The following KIF3C variants were observed in gnomAD, a reference collection of about 807,000 sequenced individuals.
The protein encoded by KIF3C is kinesin family member 3C, also known as kinesin-like protein KIF3C.
KIF3C carries 12 observed loss-of-function variants against 67.7 expected under a neutral mutation model. The observed-to-expected ratio is 0.18, with a 90% CI of 0.11 to 0.29. The LOEUF is 0.29. KIF3C is among the 10% of genes least tolerant of loss of function. The pLI, the probability that KIF3C is intolerant of heterozygous loss-of-function variation, is 1.00. For missense variants in KIF3C, 789 were observed against 1,059.6 expected (o/e 0.74, Z 3.55); for synonymous variants, 393 against 426.2 (o/e 0.92, Z 0.96).
intron 5 of KIF3C, among the ~76,000 whole-genome samples, chr2:25,947,271 C>G (rs1040631333): frequency 6.6e-6 from 1 of 152,138 alleles, no homozygotes; most frequent in African/African-American, 2.4e-5. Flanking sequence ...TTCTAGCAAG[C>G]TTCTTTCTTT....
chr2:25,952,118 C>G (rs1407494592), intron 4 of KIF3C, among the ~76,000 whole-genome samples: 1 of 151,984 alleles, frequency 6.6e-6, no homozygotes, highest in Non-Finnish European at 1.5e-5. Context: ...AGTGAAACAC[C>G]ATTTCCGTCT....
rs1019669731 is a variant in KIF3C at position 25,926,797 on chromosome 2, G to A, written c.*2181C>T. 6.6e-6 allele frequency: 1 copy of A among 152,048 alleles called. No homozygotes were observed. The highest frequency in any genetic ancestry group is 1.5e-5 in the Non-Finnish European group (1 of 68,014). The allele number at this position is 152,048 out of a possible 1,614,324, so 9.4% of individuals were successfully genotyped here. On this transcript the variant is annotated 3_prime_UTR_variant, in exon 8 of 8. Transcript: ENST00000264712. Reference sequence around the variant, plus strand: ...TGTCCCGTATAGTCATATGTGTAGAGTGACAAGAATGGGCCACTGCATTGT... The same window carrying A: ...TGTCCCGTATAGTCATATGTGTAGAATGACAAGAATGGGCCACTGCATTGT...
At chr2:25,950,522 A>G (rs1168385470) in intron 5 of KIF3C, among the ~76,000 whole-genome samples, 1 of 152,034 alleles carries the variant, frequency 6.6e-6, no homozygotes, top group East Asian at 1.9e-4. Context: ...ACGCCCAGCT[A>G]GAAAGAACTT....
rs532052901 is a variant in KIF3C, at chr2:25,954,470, C to T, written c.1771-85G>A. On this transcript the variant is annotated intron_variant, in intron 3 of 7. Transcript: ENST00000264712. Reference sequence around the variant, plus strand: ...CCAGCCTGGGCCGCAGGGCTGCAGGCTCAGAGTCTACCGACTCAGCCCAGG... The same window carrying T: ...CCAGCCTGGGCCGCAGGGCTGCAGGTTCAGAGTCTACCGACTCAGCCCAGG... 8.0e-6 allele frequency: 8 copies of T among 996,598 alleles called. No individual in the cohort carries two copies. In the East Asian group the frequency reaches 1.8e-4, roughly 22 times the overall value. The allele number at this position is 996,598 out of a possible 1,614,324, so 61.7% of individuals were successfully genotyped here.
intron 6 of KIF3C, among the ~76,000 whole-genome samples, chr2:25,929,735 C>A (rs2090442569): frequency 6.6e-6 from 1 of 152,208 alleles, no homozygotes. Flanking sequence ...CCTGCCTCAG[C>A]CTCCCAAGTA....
In KIF3C at chr2:25,977,056, A is replaced by G. The variant is rs184684633; in HGVS notation, c.1545+3317T>C. Among the ~76,000 whole-genome samples the G allele has an allele frequency of 4.0e-4, 60 of 151,710 alleles. No homozygotes were observed. In the East Asian group the frequency reaches 0.012, roughly 29 times the overall value. On this transcript the variant is annotated intron_variant, in intron 1 of 7. Coordinates refer to ENST00000264712, the MANE Select transcript of KIF3C (RefSeq NM_002254.8). ...ACACCCTCCCTCCCCCAGACACTAC[A>G]TAAGTATAAATTGCTAATGATTACT...
At chr2:25,934,116 C>T (rs1469990829) in intron 5 of KIF3C, 2 of 470,286 alleles carry the variant, frequency 4.3e-6, no homozygotes, top group South Asian at 3.1e-5. Flanking sequence ...AACTCAGTCG[C>T]AACGGACTAC....
intron 5 of KIF3C, chr2:25,933,979 C>G (rs1479066409): frequency 3.1e-6 from 1 of 320,826 alleles, no homozygotes; most frequent in East Asian, 1.0e-4. Flanking sequence ...TGTCCACCAA[C>G]TGATGTGTTG....
At chr2:25,946,568 AT>A (rs1663442169) in intron 5 of KIF3C, among the ~76,000 whole-genome samples, 1 of 152,106 alleles carries the variant, frequency 6.6e-6, no homozygotes, top group African/African-American at 2.4e-5. Context: ...CATGCCTGTA[AT>A]CCCGGTTACT....
chr2:25,937,580 G>A (rs1222772360), intron 5 of KIF3C, among the ~76,000 whole-genome samples: 1 of 152,098 alleles, frequency 6.6e-6, no homozygotes, highest in African/African-American at 2.4e-5. Context: ...GGGAAAATTA[G>A]GAAAATGGCA....
At chr2:25,969,325 A>G (rs1398913361) in intron 1 of KIF3C, among the ~76,000 whole-genome samples, 3 of 152,108 alleles carry the variant, frequency 2.0e-5, no homozygotes, top group Non-Finnish European at 4.4e-5. Context: ...TTTTTAAAAC[A>G]TAGAACCCTG....
chr2:25,930,766 C>G lies in KIF3C; in HGVS notation c.2007-703G>C, dbSNP rs186907482. Among the ~76,000 whole-genome samples the G allele has an allele frequency of 6.6e-5, 10 of 151,858 alleles. No homozygotes were observed. In the East Asian group the frequency reaches 1.9e-3, roughly 30 times the overall value. On this transcript the variant is annotated intron_variant, in intron 5 of 7. Transcript: ENST00000264712. The stretch of plus-strand genomic sequence containing the variant: ...GTTGGTCAGGCTGGTCTCGAACTCC[C>G]GACCTCAGGTGATCCACCCACCTCA...
chr2:25,962,802 A>ATATAATATATATTATATT (rs1559555107), intron 1 of KIF3C, among the ~76,000 whole-genome samples: 2 of 89,638 alleles, frequency 2.2e-5, no homozygotes, highest in African/African-American at 1.0e-4. Context: ...TATATTATAT[A>ATATAATATATATTATATT]ATATATAATA....
rs1417836585 is a variant in KIF3C, at chr2:25,956,569, G to A, written c.1546-125C>T. 3 of 686,904 alleles carry A rather than the reference G, an allele frequency of 4.4e-6. No individual in the cohort carries two copies. The East Asian group carries it at 8.1e-5, about 18-fold the overall frequency. 42.6% of individuals were successfully genotyped at this position (686,904 alleles called of 1,614,324 possible). A position where few individuals can be genotyped will look rare whatever the true frequency, so the allele number is the denominator to read the frequency against. On this transcript the variant is annotated intron_variant, in intron 1 of 7. Coordinates refer to ENST00000264712, the MANE Select transcript of KIF3C (RefSeq NM_002254.8). ...TGGACACCAGATGTGTCCCAGATGG[G>A]GCCTTGTGGCTTTCAGGGAGAATGG...
chr2:25,972,416 C>T (rs1559557915), intron 1 of KIF3C, among the ~76,000 whole-genome samples: 1 of 152,148 alleles, frequency 6.6e-6, no homozygotes, highest in African/African-American at 2.4e-5. Flanking sequence ...CAGGACGCAA[C>T]GATTCTGTTA....
chr2:25,937,424 G>T (rs549641235), intron 5 of KIF3C, among the ~76,000 whole-genome samples: 30 of 152,328 alleles, frequency 2.0e-4, no homozygotes, highest in African/African-American at 7.0e-4. Context: ...GGCTCCAGAA[G>T]CCCCAGCTGG....
At position 25,956,329 on chromosome 2, in the gene KIF3C, C is replaced by T. The variant is rs1663806130; in HGVS notation, c.1647+14G>A. ...CCACACTCTCCAAGGGGACCTGGCACCTGGAGGCCCTACCTGCTCGGCAAT... is the reference window on the plus strand; with the variant it reads ...CCACACTCTCCAAGGGGACCTGGCATCTGGAGGCCCTACCTGCTCGGCAAT... On this transcript the variant is annotated intron_variant, in intron 2 of 7. Transcript: ENST00000264712. 1 of 1,606,772 alleles carries T rather than the reference C, an allele frequency of 6.2e-7. No individual in the cohort carries two copies. Among genetic ancestry groups the T allele is most frequent in the Non-Finnish European group, 8.5e-7 (1 of 1,173,482 alleles).
At chr2:25,971,848 C>T (rs1258708677) in intron 1 of KIF3C, among the ~76,000 whole-genome samples, 1 of 138,916 alleles carries the variant, frequency 7.2e-6, no homozygotes, top group Non-Finnish European at 1.5e-5. Context: ...GCTAGGACTA[C>T]AGGCATGCAG....
In KIF3C at chr2:25,981,195, C is replaced by T. The variant is rs1664581802; in HGVS notation, c.723G>A (p.Lys241=). ...SDGQDHIRVG[K]LNLVDLAGSE... is the part of the protein sequence containing the mutation. The stretch of plus-strand genomic sequence containing the variant: ...TGCCAGCCAGGTCCACGAGGTTGAG[C>T]TTGCCCACTCGGATGTGGTCCTGGC... The change falls in exon 1 of 8, where the codon AAG becomes AAA. Residue 241 remains lysine, a synonymous_variant. Coordinates refer to ENST00000264712, the MANE Select transcript of KIF3C (RefSeq NM_002254.8). The surrounding 1 kb of genome is among the most constrained non-coding windows in gnomAD (Gnocchi z 8.2). The T allele has an allele frequency of 3.7e-6, 6 of 1,613,990 alleles. No homozygotes were observed. The highest frequency in any genetic ancestry group is 5.1e-6 in the Non-Finnish European group (6 of 1,180,048).
Sources: allele counts gnomAD v4.1 joint callset (sites outside exome capture counted in the v4.1 genomes callset), GRCh38; gene constraint gnomAD v4.1.1; non-coding constraint Gnocchi (gnomAD v3.1); transcripts MANE v1.5; gene names NCBI Gene and HGNC (gene_info 2026-07-23, HGNC 2026-07-21).